Variants in NRXN3 observed in about 807,000 individuals in gnomAD.
NRXN3 encodes the protein neurexin III.
NRXN3 carries 32 observed loss-of-function variants against 137.6 expected under a neutral mutation model. That is an observed-to-expected ratio of 0.23 (90% CI 0.18 to 0.31). The LOEUF is 0.31. Ranked by LOEUF, NRXN3 falls within the 10% of genes least tolerant of loss-of-function variation. NRXN3 has a pLI of 1.00. For synonymous variants in NRXN3, 798 were observed against 784.5 expected (o/e 1.02, Z -0.29); for missense variants, 1,574 against 2,062.5 (o/e 0.76, Z 4.59).
At chr14:79,586,422 GT>G (rs771478820) in intron 16 of NRXN3, among the ~76,000 whole-genome samples, 6 of 152,098 alleles carry the variant, frequency 3.9e-5, no homozygotes, top group Non-Finnish European at 8.8e-5. Flanking sequence ...ATTTTGTTTG[GT>G]TTTTGAAATG....
chr14:78,278,652 T>A lies in NRXN3; in HGVS notation c.717T>A (p.Ser239Arg), dbSNP rs905697312. Residue 239 changes from serine (S) to arginine (R), a missense_variant, in exon 3 of 21, where the codon AGT becomes AGA. Transcript: ENST00000335750. Reference sequence around the variant, plus strand: ...TTGAAAATGCTGCCACAGATGTCAGTCAAGATCCAGGTGAGTCTTTGTGTT... The same window carrying A: ...TTGAAAATGCTGCCACAGATGTCAGACAAGATCCAGGTGAGTCTTTGTGTT... ...YGGKLCSEDV[S>R]QDPGLSHLMM... 53 of 1,535,116 alleles carry A rather than the reference T, an allele frequency of 3.5e-5. No homozygotes were observed. Among genetic ancestry groups the A allele is most frequent in the Admixed American group, 2.0e-4 (10 of 50,976 alleles).
intron 16 of NRXN3, among the ~76,000 whole-genome samples, chr14:79,551,620 G>C (rs527336396): frequency 3.2e-4 from 49 of 152,138 alleles, no homozygotes; most frequent in Non-Finnish European, 6.3e-4. Flanking sequence ...TTGAGCTGCT[G>C]AGCTGTCTGT....
At chr14:78,379,163 T>G (rs1413348579) in intron 4 of NRXN3, among the ~76,000 whole-genome samples, 2 of 152,198 alleles carry the variant, frequency 1.3e-5, no homozygotes, top group Non-Finnish European at 2.9e-5. Flanking sequence ...TAGGCCCAGA[T>G]GATTGTACTG....
chr14:78,735,714 T>C lies in NRXN3; in HGVS notation c.2044+20575T>C, dbSNP rs534458162. Among the ~76,000 whole-genome samples, 15 of 152,314 alleles carry C rather than the reference T, an allele frequency of 9.8e-5. No individual in the cohort carries two copies. The South Asian group carries it at 2.9e-3, about 29-fold the overall frequency. ...CCTCTTCTCTCTAGGGGACAGTTGA[T>C]ATCTTTAATTCATATTAGGGGTTTG... On this transcript the variant is annotated intron_variant, in intron 8 of 20. Transcript: ENST00000335750.
intron 17 of NRXN3, among the ~76,000 whole-genome samples, chr14:79,687,010 T>C (rs2098698003): frequency 6.6e-6 from 1 of 152,206 alleles, no homozygotes. Flanking sequence ...ATTAATTTAC[T>C]TCCCACAAGC....
chr14:78,474,463 AT>A (rs2095342093), intron 4 of NRXN3, among the ~76,000 whole-genome samples: 1 of 151,940 alleles, frequency 6.6e-6, no homozygotes, highest in Non-Finnish European at 1.5e-5. Context: ...ACTCTTAGGG[AT>A]TCTAAGTCTG....
chr14:79,067,667 T>A (rs556126959), intron 15 of NRXN3, among the ~76,000 whole-genome samples: 2 of 152,176 alleles, frequency 1.3e-5, no homozygotes, highest in South Asian at 4.2e-4. Context: ...GGATTCAGTA[T>A]TTTTCCTGGT....
At chr14:78,749,054 T>A (rs2098628483) in intron 8 of NRXN3, among the ~76,000 whole-genome samples, 1 of 152,104 alleles carries the variant, frequency 6.6e-6, no homozygotes, top group Non-Finnish European at 1.5e-5. Context: ...AAACATCAAA[T>A]AAGAGAGTCT....
intron 15 of NRXN3, among the ~76,000 whole-genome samples, chr14:79,340,391 T>C (rs2092541322): frequency 6.6e-6 from 1 of 152,200 alleles, no homozygotes; most frequent in South Asian, 2.1e-4. Context: ...ATGAAGGTTA[T>C]GCCAGTTAAT....
chr14:78,705,805 A>G (rs1360961562), intron 6 of NRXN3, among the ~76,000 whole-genome samples: 1 of 152,228 alleles, frequency 6.6e-6, no homozygotes, highest in Non-Finnish European at 1.5e-5. Context: ...TGAAAACTCC[A>G]TATAAATAGA....
intron 4 of NRXN3, among the ~76,000 whole-genome samples, chr14:78,380,338 A>G (rs942041253): frequency 2.1e-5 from 3 of 142,146 alleles, no homozygotes; most frequent in African/African-American, 7.5e-5. Flanking sequence ...AGATGTGTTT[A>G]CATCTTAATC....
chr14:78,670,702 G>A (rs1386616318), intron 6 of NRXN3, among the ~76,000 whole-genome samples: 1 of 152,198 alleles, frequency 6.6e-6, no homozygotes, highest in Non-Finnish European at 1.5e-5. Context: ...ATGCACCAGG[G>A]CTAGGGCCTT....
At chr14:79,389,750 C>T (rs757199321) in intron 15 of NRXN3, among the ~76,000 whole-genome samples, 3 of 152,062 alleles carry the variant, frequency 2.0e-5, no homozygotes, top group African/African-American at 4.8e-5. Context: ...GGGCTTTTAT[C>T]CTTGGATCTC....
chr14:79,610,634 T>G (rs2098087279), intron 16 of NRXN3, among the ~76,000 whole-genome samples: 1 of 152,230 alleles, frequency 6.6e-6, no homozygotes, highest in South Asian at 2.1e-4. Flanking sequence ...AGGTGCTTCA[T>G]CAATATTTGT....
chr14:79,531,717 G>T (rs1453673746), intron 16 of NRXN3, among the ~76,000 whole-genome samples: 1 of 152,130 alleles, frequency 6.6e-6, no homozygotes, highest in Non-Finnish European at 1.5e-5. Context: ...TGTGAGATGG[G>T]TTCGGACCAT....
intron 15 of NRXN3, among the ~76,000 whole-genome samples, chr14:79,221,944 G>C (rs1324535613): frequency 6.6e-6 from 1 of 152,172 alleles, no homozygotes; most frequent in Non-Finnish European, 1.5e-5. Flanking sequence ...GTGTAAGGAA[G>C]GGGTCCAGTT....
chr14:79,286,316 C>T (rs1044991358), intron 15 of NRXN3, among the ~76,000 whole-genome samples: 1 of 151,986 alleles, frequency 6.6e-6, no homozygotes. Flanking sequence ...CACATCTCAG[C>T]CTTTGGTGAA....
chr14:78,826,386 G>C (rs2098966668), intron 10 of NRXN3, among the ~76,000 whole-genome samples: 1 of 152,134 alleles, frequency 6.6e-6, no homozygotes, highest in Non-Finnish European at 1.5e-5. Flanking sequence ...GGAAGAATCT[G>C]CCTGGGTAGG....
At chr14:78,288,996 T>C (rs2075492086) in intron 3 of NRXN3, among the ~76,000 whole-genome samples, 1 of 152,148 alleles carries the variant, frequency 6.6e-6, no homozygotes, top group African/African-American at 2.4e-5. Flanking sequence ...TACAAAAGGC[T>C]AGGTGGTGAG....
Sources: allele counts gnomAD v4.1 joint callset (sites outside exome capture counted in the v4.1 genomes callset), GRCh38; gene constraint gnomAD v4.1.1; transcripts MANE v1.5; gene names NCBI Gene and HGNC (gene_info 2026-07-23, HGNC 2026-07-21).